ITPR2: variants seen among roughly 807,000 people sequenced by gnomAD.
The protein encoded by ITPR2 is inositol 1,4,5-trisphosphate-gated calcium channel ITPR2.
A neutral mutation model predicts 317.1 loss-of-function variants in ITPR2; 207 were observed. That is an observed-to-expected ratio of 0.65 (90% CI 0.58 to 0.73). ITPR2 has a LOEUF of 0.73. ITPR2 is among the 30% of genes least tolerant of loss of function. The probability of loss-of-function intolerance (pLI) is 0.00; values close to 1 mark genes in which losing one functional copy is unlikely to be tolerated. For missense variants in ITPR2, 2,613 were observed against 3,284.0 expected, an observed-to-expected ratio of 0.80 and a Z score of 4.99; for synonymous variants, 1,156 against 1,149.1, an observed-to-expected ratio of 1.01 and a Z score of -0.12.
At chr12:26,638,406 C>T (rs1418392740) in intron 21 of ITPR2, among the ~76,000 whole-genome samples, 3 of 152,270 alleles carry the variant, frequency 2.0e-5, no homozygotes, top group Non-Finnish European at 4.4e-5. Flanking sequence ...CACATGCAAA[C>T]CAGTTACTGA....
intron 1 of ITPR2, among the ~76,000 whole-genome samples, chr12:26,817,543 G>C (rs1950880515): frequency 6.6e-6 from 1 of 152,194 alleles, no homozygotes; most frequent in South Asian, 2.1e-4. Context: ...TCCTCTGCCT[G>C]CCATTTTCAG....
intron 37 of ITPR2, among the ~76,000 whole-genome samples, chr12:26,503,848 G>T (rs914061992): frequency 6.6e-6 from 1 of 152,204 alleles, no homozygotes; most frequent in Non-Finnish European, 1.5e-5. Context: ...GGGAAGACTT[G>T]TACAATTGAT....
chr12:26,391,369 T>C (rs1327332150), intron 54 of ITPR2, among the ~76,000 whole-genome samples: 1 of 152,030 alleles, frequency 6.6e-6, no homozygotes, highest in Non-Finnish European at 1.5e-5. Context: ...AAAAATGGCA[T>C]GGAAAAGCCA....
chr12:26,495,271 G>A lies in ITPR2; in HGVS notation c.5074-11C>T. The A allele has an allele frequency of 2.2e-6, 3 of 1,384,290 alleles. No homozygotes were observed. Among genetic ancestry groups the A allele is most frequent in the Non-Finnish European group, 2.0e-6 (2 of 979,156 alleles). 85.8% of individuals were successfully genotyped at this position (1,384,290 alleles called of 1,614,324 possible). Reference sequence around the variant, plus strand: ...TCTTAATGTGTTACCCTAATAAGAAGGATAACAAAGAGTTACTGTTCCCTT... The same window carrying A: ...TCTTAATGTGTTACCCTAATAAGAAAGATAACAAAGAGTTACTGTTCCCTT... On this transcript the variant is annotated splice_polypyrimidine_tract_variant and intron_variant, in intron 37 of 56. Coordinates refer to ENST00000381340, the MANE Select transcript of ITPR2 (RefSeq NM_002223.4).
chr12:26,532,847 A>AGCTAATTTTTGTATT (rs1943982295), intron 37 of ITPR2, among the ~76,000 whole-genome samples: 1 of 151,930 alleles, frequency 6.6e-6, no homozygotes, highest in Non-Finnish European at 1.5e-5. Context: ...CACCACGCCC[A>AGCTAATTTTTGTATT]GCTAATTTTT....
rs1565609230 is a variant in ITPR2, at chr12:26,567,941, A to ATATATATATTATATATATATATATAT, written c.4631-6015_4631-5990dup. 4.4e-3 allele frequency among the ~76,000 whole-genome samples: 209 copies of ATATATATATTATATATATATATATAT among 47,870 alleles called. 8 individuals are homozygous for ATATATATATTATATATATATATATAT. Among genetic ancestry groups the ATATATATATTATATATATATATATAT allele is most frequent in the African/African-American group, 0.014 (199 of 13,820 alleles). 31.4% of individuals were successfully genotyped at this position (47,870 alleles called of 152,430 possible). ...TACTAAGCTAGAAAAATTCTGGTAT[A>ATATATATATTATATATATATATATAT]TATATATATTATATATATATATATA... On this transcript the variant is annotated intron_variant, in intron 34 of 56. Coordinates refer to ENST00000381340, the MANE Select transcript of ITPR2 (RefSeq NM_002223.4).
Position 26,369,965 on chromosome 12 carries a change from C to A in ITPR2, c.7857+17469G>T, listed in dbSNP as rs80280467. Among the ~76,000 whole-genome samples the A allele has an allele frequency of 4.1e-3, 617 of 152,266 alleles. 6 individuals are homozygous for A. The highest frequency in any genetic ancestry group is 0.014 in the African/African-American group (581 of 41,540). On this transcript the variant is annotated intron_variant, in intron 55 of 56. Coordinates refer to ENST00000381340, the MANE Select transcript of ITPR2 (RefSeq NM_002223.4). ...GGAGCTTCCTGGTTGGTAAACACAT[C>A]ACCGTACCAGAAGGGTGATGTACCC...
chr12:26,715,296 T>C lies in ITPR2; in HGVS notation c.855+3A>G. 6.2e-7 allele frequency: 1 copy of C among 1,607,114 alleles called. No homozygotes were observed. The highest frequency in any genetic ancestry group is 8.5e-7 in the Non-Finnish European group (1 of 1,177,392). On this transcript the variant is annotated splice_donor_region_variant and intron_variant, in intron 8 of 56. Transcript: ENST00000381340. ...TATTAAGTGCCAAAAAACATTTACA[T>C]ACCTCTATTTCCCAGAGTGCTTTAG...
chr12:26,527,512 A>G (rs566680525), intron 37 of ITPR2, among the ~76,000 whole-genome samples: 3 of 152,364 alleles, frequency 2.0e-5, no homozygotes, highest in South Asian at 4.1e-4. Flanking sequence ...GAGATAATCA[A>G]TTCCAAATAT....
At chr12:26,545,102 T>C (rs1944362049) in intron 37 of ITPR2, among the ~76,000 whole-genome samples, 1 of 152,190 alleles carries the variant, frequency 6.6e-6, no homozygotes, top group Non-Finnish European at 1.5e-5. Context: ...ATTCTAGATG[T>C]TATTTCTCAC....
rs749291529 is a variant in ITPR2, at chr12:26,487,217, T to C, written c.5405A>G (p.Lys1802Arg). ...SFYQQLHEQKKSEKFFKVLYD... is the reference protein window; with the variant it reads ...SFYQQLHEQKRSEKFFKVLYD... The stretch of plus-strand genomic sequence containing the variant: ...GAGAACTTTAAAGAATTTTTCTGAC[T>C]TTTTTTGTTCATGCAACTGCTGGTA... The change falls in exon 40 of 57, where the codon AAG becomes AGG. Residue 1802 changes from lysine to arginine, a missense_variant. Around this residue, in one of 9 missense-constraint regions of ITPR2, gnomAD observed 926 missense variants for 1,072.8 expected, o/e 0.86. Transcript: ENST00000381340. 7.5e-6 allele frequency: 12 copies of C among 1,604,034 alleles called. No homozygotes were observed. Among genetic ancestry groups the C allele is most frequent in the Non-Finnish European group, 9.3e-6 (11 of 1,177,038 alleles).
At chr12:26,715,542 A>G in intron 7 of ITPR2, 97 bp from the exon 8 acceptor site, 1 of 1,109,054 alleles carries the variant, frequency 9.0e-7, no homozygotes, top group South Asian at 1.6e-5. Context: ...TAGCTATTTG[A>G]CTTTTAAAGC....
intron 55 of ITPR2, among the ~76,000 whole-genome samples, chr12:26,368,326 T>TTG (rs1205115705): frequency 6.6e-6 from 1 of 152,240 alleles, no homozygotes; most frequent in Non-Finnish European, 1.5e-5. Context: ...TAATCTAGTC[T>TTG]TGTATATATA....
intron 49 of ITPR2, among the ~76,000 whole-genome samples, chr12:26,426,884 A>C (rs6487552): frequency 0.56 from 84,535 of 150,326 alleles, 26,026 homozygotes; most frequent in Non-Finnish European, 0.7. Context: ...GTTATTATTA[A>C]ATATTTGCTA....
intron 1 of ITPR2, among the ~76,000 whole-genome samples, chr12:26,799,576 A>G (rs1468570723): frequency 6.6e-6 from 1 of 152,256 alleles, no homozygotes. Flanking sequence ...ATGATTTCAG[A>G]GAGGATTTGC....
In ITPR2 at chr12:26,725,558, G is replaced by C. The variant is rs541466118; in HGVS notation, c.279+92C>G. ...TGTATTCTAAATCTCTGTGTTTTGG[G>C]TGAAAGGACAAAGCTAGAAAGCTCT... is the stretch of plus-strand genomic sequence containing the variant. On this transcript the variant is annotated intron_variant, in intron 3 of 56. Transcript: ENST00000381340. The C allele has an allele frequency of 1.1e-5, 9 of 815,732 alleles. No individual in the cohort carries two copies. In the South Asian group the frequency reaches 1.4e-4, roughly 13 times the overall value. The allele number at this position is 815,732 out of a possible 1,614,324, so 50.5% of individuals were successfully genotyped here. A position where few individuals can be genotyped will look rare whatever the true frequency, so the allele number is the denominator to read the frequency against.
chr12:26,759,044 A>G (rs1949582494), intron 2 of ITPR2, among the ~76,000 whole-genome samples: 1 of 152,170 alleles, frequency 6.6e-6, no homozygotes, highest in Non-Finnish European at 1.5e-5. Context: ...ATTGCCTACA[A>G]TTATATCTCC....
At chr12:26,668,287 C>T (rs1003427391) in intron 13 of ITPR2, among the ~76,000 whole-genome samples, 1 of 152,182 alleles carries the variant, frequency 6.6e-6, no homozygotes, top group Admixed American at 6.5e-5. Context: ...AAACATATGG[C>T]TTCTCTAACC....
intron 55 of ITPR2, among the ~76,000 whole-genome samples, chr12:26,379,299 CT>C (rs1939435455): frequency 6.6e-6 from 1 of 152,150 alleles, no homozygotes; most frequent in Non-Finnish European, 1.5e-5. Flanking sequence ...AGCACAGGCA[CT>C]TATCTAATGT....
Sources: gnomAD v4.1 joint callset for allele counts (sites outside exome capture counted in the v4.1 genomes callset) on GRCh38, gnomAD v4.1.1 for gene constraint, gnomAD v4.1.1 regional missense constraint, MANE v1.5 for transcripts, NCBI Gene and HGNC (gene_info 2026-07-23, HGNC 2026-07-21) for gene names.